The following TMEM67 variants were observed in gnomAD, a reference collection of about 807,000 sequenced individuals.
TMEM67 encodes transmembrane protein 67.
TMEM67 carries 124 observed loss-of-function variants against 136.6 expected under a neutral mutation model. That is an observed-to-expected ratio of 0.91 (90% CI 0.78 to 1.05). The LOEUF (loss-of-function observed/expected upper bound fraction) is 1.05. Ranked by LOEUF, TMEM67 falls within the 50% of genes least tolerant of loss-of-function variation. The pLI, the probability that TMEM67 is intolerant of heterozygous loss-of-function variation, is 0.00. For synonymous variants in TMEM67, 364 were observed against 390.5 expected (o/e 0.93, Z 0.80); for missense variants, 1,107 against 1,178.4 (o/e 0.94, Z 0.89).
downstream of TMEM67, chr8:93,818,877 A>C (rs923818675): frequency 3.0e-6 from 1 of 329,834 alleles, no homozygotes; most frequent in Non-Finnish European, 5.8e-6. Flanking sequence ...ATTTTGGCCC[A>C]CTCTAACCTC....
chr8:93,774,552 C>T (rs1326363637), intron 7 of TMEM67, among the ~76,000 whole-genome samples: 2 of 152,096 alleles, frequency 1.3e-5, no homozygotes, highest in Non-Finnish European at 2.9e-5. Context: ...TGATGTTCCC[C>T]GCCCTGTGTC....
At chr8:93,782,872 G>A (rs1014626065) in intron 11 of TMEM67, among the ~76,000 whole-genome samples, 1 of 152,056 alleles carries the variant, frequency 6.6e-6, no homozygotes, top group Admixed American at 6.6e-5. Context: ...ACCGTGCCTG[G>A]CCGGAAATGT....
chr8:93,774,612 A>C lies in TMEM67; in HGVS notation c.714+1961A>C, dbSNP rs199995949. Among the ~76,000 whole-genome samples the C allele has an allele frequency of 9.9e-5, 15 of 152,242 alleles. No homozygotes were observed. The East Asian group carries it at 2.7e-3, about 27-fold the overall frequency. ...CTATGAGAGAGAACACAGAGTGTTT[A>C]GTTTTCTGTCCTTGTGATAGTTTAC... On this transcript the variant is annotated intron_variant, in intron 7 of 27. Transcript: ENST00000453321.
chr8:93,762,169 C>T (rs1006824364), intron 3 of TMEM67: 3 of 152,102 alleles, frequency 2.0e-5, no homozygotes, highest in African/African-American at 7.2e-5. Flanking sequence ...GCAGGAGAAT[C>T]ACTTGAATCT....
At chr8:93,798,314 C>T (rs1294430633) in intron 20 of TMEM67, among the ~76,000 whole-genome samples, 2 of 152,148 alleles carry the variant, frequency 1.3e-5, no homozygotes, top group African/African-American at 2.4e-5. Context: ...TGAGGTAACT[C>T]CAGGTATCTA....
chr8:93,771,959 G>C (rs987630692), intron 6 of TMEM67, among the ~76,000 whole-genome samples: 1 of 152,178 alleles, frequency 6.6e-6, no homozygotes, highest in Admixed American at 6.5e-5. Context: ...TCTCTGAATG[G>C]TGCTTCTTAG....
At chr8:93,795,861 CTGTG>C in intron 17 of TMEM67, 36 bp from the exon 18 acceptor site, 3 of 1,391,798 alleles carry the variant, frequency 2.2e-6, no homozygotes, top group Non-Finnish European at 3.0e-6. Context: ...ACAAAAAAAA[CTGTG>C]TGTGATAATA....
In TMEM67 at chr8:93,816,505, C is replaced by A; in HGVS notation, c.*53C>A. 3.0e-6 allele frequency: 3 copies of A among 999,208 alleles called. No homozygotes were observed. The highest frequency in any genetic ancestry group is 4.7e-6 in the Non-Finnish European group (3 of 635,150). 61.9% of individuals were successfully genotyped at this position (999,208 alleles called of 1,614,324 possible). ...AGTATAATCATGGCCAAAAAAAAGT[C>A]ATGATATCAGGTTAGTTTGCCATAT... On this transcript the variant is annotated 3_prime_UTR_variant, in exon 28 of 28. Coordinates refer to ENST00000453321, the MANE Select transcript of TMEM67 (RefSeq NM_153704.6).
chr8:93,785,296 T>A lies in TMEM67; in HGVS notation c.1206T>A (p.Thr402=). The part of the protein sequence containing the change: ...PIFYDVYLEY[T]DENQHQYILA... ...TTTATGATGTGTACCTTGAATATACTGATGAAAATCAACATCAATATATTT... is the reference window on the plus strand; with the variant it reads ...TTTATGATGTGTACCTTGAATATACAGATGAAAATCAACATCAATATATTT... The change falls in exon 12 of 28, where the codon ACT becomes ACA. Residue 402 remains threonine, a synonymous_variant. Coordinates refer to ENST00000453321, the MANE Select transcript of TMEM67 (RefSeq NM_153704.6). The A allele has an allele frequency of 2.5e-6, 4 of 1,604,500 alleles. No homozygotes were observed. In the South Asian group the frequency reaches 4.4e-5, roughly 18 times the overall value.
chr8:93,830,282 T>C, the TMEM67 span, among the ~76,000 whole-genome samples: 1 of 152,116 alleles, frequency 6.6e-6, no homozygotes, highest in African/African-American at 2.4e-5. Flanking sequence ...CTTCCCCCCA[T>C]GCCTCACCCT....
chr8:93,831,386 TG>T, the TMEM67 span, among the ~76,000 whole-genome samples: 1 of 152,224 alleles, frequency 6.6e-6, no homozygotes, highest in Non-Finnish European at 1.5e-5. Context: ...TGCCAACAAT[TG>T]GGCAAAAGAT....
chr8:93,781,919 G>T (rs935404977), intron 10 of TMEM67, among the ~76,000 whole-genome samples, 175 bp downstream of exon 10: 2 of 149,556 alleles, frequency 1.3e-5, no homozygotes, highest in African/African-American at 4.9e-5. Context: ...TTGTTTGTTT[G>T]TTTTTTCTTT....
intron 7 of TMEM67, among the ~76,000 whole-genome samples, chr8:93,778,352 C>T (rs917418518): frequency 1.3e-5 from 2 of 152,172 alleles, no homozygotes; most frequent in Admixed American, 1.3e-4. Context: ...AGCCCATTTA[C>T]GTTTAAGGTG....
intron 16 of TMEM67, among the ~76,000 whole-genome samples, chr8:93,794,104 C>A (rs1453905888): frequency 6.6e-6 from 1 of 152,048 alleles, no homozygotes; most frequent in Non-Finnish European, 1.5e-5. Context: ...GTTGTTCAGG[C>A]TGGTCTTGAA....
rs77945402 is a variant in TMEM67 at position 93,765,774 on chromosome 8, A to G, written c.651+128A>G. On this transcript the variant is annotated intron_variant, in intron 6 of 27. Transcript: ENST00000453321. ...TTTAAAACAGAAAAAAATCAATCTA[A>G]GAAACATTAGTCTAATAATTCAGCA... The G allele has an allele frequency of 9.8e-3, 7,069 of 717,806 alleles. 94 individuals carry two copies. The highest frequency in any genetic ancestry group is 0.029 in the South Asian group (1,887 of 64,902). 44.5% of individuals were successfully genotyped at this position (717,806 alleles called of 1,614,324 possible).
In TMEM67 at chr8:93,759,617, G is replaced by A. The variant is rs143504226; in HGVS notation, c.406+1041G>A. The A allele has an allele frequency of 9.5e-5, 15 of 157,392 alleles. No homozygotes were observed. The East Asian group carries it at 2.5e-3, about 26-fold the overall frequency. 9.7% of individuals were successfully genotyped at this position (157,392 alleles called of 1,614,324 possible). ...AGCAACAAAAAAGAAAAAATAAGTAGGCATATCCTTTTTTTTAATTTTAAT... is the reference window on the plus strand; with the variant it reads ...AGCAACAAAAAAGAAAAAATAAGTAAGCATATCCTTTTTTTTAATTTTAAT... On this transcript the variant is annotated intron_variant, in intron 3 of 27. Transcript: ENST00000453321.
At chr8:93,785,845 G>A (rs1814071909) in intron 12 of TMEM67, 1 of 244,884 alleles carries the variant, frequency 4.1e-6, no homozygotes, top group Non-Finnish European at 8.0e-6. Flanking sequence ...AGGCCAAGAC[G>A]AGAGAATTGC....
At chr8:93,797,548 T>G in intron 20 of TMEM67, 78 bp downstream of exon 20, 2 of 1,397,432 alleles carry the variant, frequency 1.4e-6, no homozygotes, top group Non-Finnish European at 2.0e-6. Flanking sequence ...CCAACTAAGT[T>G]TTCATGACAG....
intron 3 of TMEM67, 99 bp downstream of exon 3, chr8:93,758,675 C>T (rs1217342234): frequency 9.5e-7 from 1 of 1,057,022 alleles, no homozygotes; most frequent in African/African-American, 1.6e-5. Flanking sequence ...TAAGTGATTA[C>T]TTAATATTTT....
Sources: allele counts gnomAD v4.1 joint callset (sites outside exome capture counted in the v4.1 genomes callset), GRCh38; gene constraint gnomAD v4.1.1; transcripts MANE v1.5; gene names NCBI Gene and HGNC (gene_info 2026-07-23, HGNC 2026-07-21).